The following NCOA7 variants were observed in gnomAD, a reference collection of about 807,000 sequenced individuals.
NCOA7 encodes 140 kDa estrogen receptor-associated protein.
NCOA7 carries 45 observed loss-of-function variants against 104.3 expected under a neutral mutation model. The observed-to-expected ratio is 0.43, with a 90% CI of 0.34 to 0.55. NCOA7 has a LOEUF of 0.55. Among genes scored for constraint, NCOA7 ranks in the 20% least tolerant of loss-of-function variants. NCOA7 has a pLI of 0.02. For missense variants in NCOA7, 1,041 were observed against 1,119.7 expected (o/e 0.93, Z 1.00); for synonymous variants, 398 against 402.3 (o/e 0.99, Z 0.13).
chr6:125,812,167 G>A (rs878890126), intron 1 of NCOA7, among the ~76,000 whole-genome samples: 2 of 152,112 alleles, frequency 1.3e-5, no homozygotes, highest in African/African-American at 2.4e-5. Context: ...TTCCCTTTCC[G>A]TACCTGGTAG....
intron 3 of NCOA7, among the ~76,000 whole-genome samples, chr6:125,868,196 A>C (rs1352781076): frequency 6.6e-6 from 1 of 152,250 alleles, no homozygotes; most frequent in South Asian, 2.1e-4. Context: ...GCATGTATCA[A>C]AATGATCAGA....
intron 1 of NCOA7, among the ~76,000 whole-genome samples, chr6:125,784,987 AACACACACAC>A (rs3084325): frequency 3.0e-4 from 45 of 148,410 alleles, no homozygotes; most frequent in Admixed American, 6.7e-4. Context: ...GTTGCATATA[AACACACACAC>A]ACACACACAC....
In NCOA7 at chr6:125,894,282, T is replaced by C. The variant is rs576036596; in HGVS notation, c.2096+3472T>C. Among the ~76,000 whole-genome samples the C allele has an allele frequency of 2.0e-5, 3 of 152,290 alleles. No individual in the cohort carries two copies. The South Asian group carries it at 6.2e-4, about 32-fold the overall frequency. On this transcript the variant is annotated intron_variant, in intron 10 of 15. Transcript: ENST00000392477. Reference sequence around the variant, plus strand: ...AAAGTATCTCCAGACATTGCCAAAATGTCCTCTGGAGGACAAAATCACTTC... The same window carrying C: ...AAAGTATCTCCAGACATTGCCAAAACGTCCTCTGGAGGACAAAATCACTTC...
At chr6:125,790,161 A>T (rs1012503014), upstream of NCOA7, among the ~76,000 whole-genome samples, 2 of 152,224 alleles carry the variant, frequency 1.3e-5, no homozygotes, top group African/African-American at 4.8e-5. Context: ...GGGAGGGGGA[A>T]GGAGATGGTG....
chr6:125,782,514 C>G (rs72969739), intron 1 of NCOA7, among the ~76,000 whole-genome samples: 137 of 152,278 alleles, frequency 9.0e-4, no homozygotes, highest in Non-Finnish European at 1.9e-3. Flanking sequence ...TTAATCTAGG[C>G]TACACTCTTG....
chr6:125,922,889 A>G, intron 13 of NCOA7, 55 bp downstream of exon 13: 3 of 1,539,916 alleles, frequency 1.9e-6, no homozygotes, highest in South Asian at 1.2e-5. Flanking sequence ...CAAAATTCCC[A>G]ACAGTAGAGA....
chr6:125,866,568 C>CTGG (rs1260384784), intron 3 of NCOA7, among the ~76,000 whole-genome samples: 1 of 152,112 alleles, frequency 6.6e-6, no homozygotes, highest in Non-Finnish European at 1.5e-5. Flanking sequence ...AGCAGTATCT[C>CTGG]CATTTTGTGC....
chr6:125,878,231 T>C, intron 4 of NCOA7, 32 bp from the exon 5 acceptor site: 1 of 1,496,992 alleles, frequency 6.7e-7, no homozygotes, highest in Non-Finnish European at 9.0e-7. Flanking sequence ...TTTTGCTTTA[T>C]TTATTGACTC....
Position 125,790,977 on chromosome 6 carries a change from G to T in NCOA7, c.-155G>T, listed in dbSNP as rs1003923232. 2.0e-5 allele frequency: 3 copies of T among 153,158 alleles called. No homozygotes were observed. Among genetic ancestry groups the T allele is most frequent in the African/African-American group, 7.2e-5 (3 of 41,444 alleles). The allele number at this position is 153,158 out of a possible 1,614,324, so 9.5% of individuals were successfully genotyped here. A position where few individuals can be genotyped will look rare whatever the true frequency, so the allele number is the denominator to read the frequency against. Reference sequence around the variant, plus strand: ...CACCCGCCGAGAGGATGCGCTCCCCGGCGCCCAGCAGCAGAGGCCACCGCT... The same window carrying T: ...CACCCGCCGAGAGGATGCGCTCCCCTGCGCCCAGCAGCAGAGGCCACCGCT... On this transcript the variant is annotated 5_prime_UTR_variant, in exon 1 of 16. Coordinates refer to ENST00000392477, the MANE Select transcript of NCOA7 (RefSeq NM_181782.5).
At chr6:125,801,027 G>A (rs1036634903) in intron 1 of NCOA7, among the ~76,000 whole-genome samples, 4 of 152,096 alleles carry the variant, frequency 2.6e-5, no homozygotes, top group Admixed American at 6.6e-5. Context: ...AGAGTGAGAC[G>A]CCATCTCAAA....
At chr6:125,810,971 A>G (rs1776945466) in intron 1 of NCOA7, among the ~76,000 whole-genome samples, 1 of 152,198 alleles carries the variant, frequency 6.6e-6, no homozygotes, top group South Asian at 2.1e-4. Flanking sequence ...ATATTTTTCT[A>G]CTTGAACCAA....
chr6:125,922,902 C>T, intron 13 of NCOA7, 68 bp downstream of exon 13: 2 of 1,430,342 alleles, frequency 1.4e-6, no homozygotes, highest in Non-Finnish European at 1.9e-6. Context: ...AGTAGAGAGA[C>T]TAGTACCATA....
intron 12 of NCOA7, 62 bp from the exon 13 acceptor site, chr6:125,922,620 A>C: frequency 6.4e-7 from 1 of 1,574,034 alleles, no homozygotes; most frequent in African/African-American, 1.3e-5. Flanking sequence ...GTTTTGTGCC[A>C]CATGTTCGTG....
intron 8 of NCOA7, among the ~76,000 whole-genome samples, chr6:125,887,039 C>T (rs1003860719): frequency 6.6e-5 from 10 of 152,192 alleles, no homozygotes; most frequent in African/African-American, 1.9e-4. Context: ...AGCCAGTTGA[C>T]AGCATTATGT....
chr6:125,827,188 C>CA (rs66522338), intron 2 of NCOA7, among the ~76,000 whole-genome samples: 2,797 of 78,768 alleles, frequency 0.036, 273 homozygotes, highest in Non-Finnish European at 0.044. Flanking sequence ...AACTCCATCT[C>CA]AAAAAAAAAA....
chr6:125,882,104 C>T (rs534016992), intron 6 of NCOA7, among the ~76,000 whole-genome samples: 37 of 152,230 alleles, frequency 2.4e-4, no homozygotes, highest in African/African-American at 8.9e-4. Context: ...TCTGCCCACC[C>T]CGGCCTCCCA....
At chr6:125,866,650 C>T (rs931568990) in intron 3 of NCOA7, among the ~76,000 whole-genome samples, 4 of 152,314 alleles carry the variant, frequency 2.6e-5, no homozygotes, top group Middle Eastern at 3.4e-3. Context: ...GACTCTCATT[C>T]ACAGTCCATC....
At chr6:125,785,554 C>A (rs1235759011) in intron 1 of NCOA7, among the ~76,000 whole-genome samples, 1 of 151,374 alleles carries the variant, frequency 6.6e-6, no homozygotes. Flanking sequence ...CTGTAAATTT[C>A]TTTTACCCAG....
intron 3 of NCOA7, among the ~76,000 whole-genome samples, chr6:125,865,758 G>C (rs987047014): frequency 2.2e-5 from 3 of 136,826 alleles, no homozygotes; most frequent in Non-Finnish European, 4.6e-5. Context: ...TAAACTCCTG[G>C]GCTCAAGTGA....
Sources: allele counts gnomAD v4.1 joint callset (sites outside exome capture counted in the v4.1 genomes callset), GRCh38; gene constraint gnomAD v4.1.1; transcripts MANE v1.5; gene names NCBI Gene and HGNC (gene_info 2026-07-23, HGNC 2026-07-21).